Variants in NUMB observed in about 807,000 individuals in gnomAD.
NUMB encodes NUMB endocytic adaptor protein.
A neutral mutation model predicts 59.7 loss-of-function variants in NUMB; 29 were observed. The ratio of observed to expected loss-of-function variants is 0.49; its 90% CI spans 0.36 to 0.66. The LOEUF (loss-of-function observed/expected upper bound fraction) is 0.66, where lower values mean the gene tolerates loss of function less well. Ranked by LOEUF, NUMB falls within the 30% of genes least tolerant of loss-of-function variation. The pLI is 0.00. For synonymous variants in NUMB, 288 were observed against 288.2 expected, an observed-to-expected ratio of 1.00 and a Z score of 0.01; for missense variants, 723 against 822.0, an observed-to-expected ratio of 0.88 and a Z score of 1.47.
At chr14:73,292,514 G>C (rs995121026) in intron 8 of NUMB, among the ~76,000 whole-genome samples, 5 of 152,092 alleles carry the variant, frequency 3.3e-5, no homozygotes, top group Non-Finnish European at 5.9e-5. Flanking sequence ...TTCCTTTAAT[G>C]ATCTTTGGTT....
intron 2 of NUMB, among the ~76,000 whole-genome samples, chr14:73,392,564 TAGAC>T (rs1488704676): frequency 6.6e-6 from 1 of 152,232 alleles, no homozygotes; most frequent in East Asian, 1.9e-4. Context: ...CTCAGGAAAT[TAGAC>T]AGTTGTGCCT....
intron 3 of NUMB, among the ~76,000 whole-genome samples, chr14:73,365,087 T>C (rs1242465114): frequency 6.6e-6 from 1 of 152,242 alleles, no homozygotes; most frequent in African/African-American, 2.4e-5. Flanking sequence ...TCACCCAGGC[T>C]GGAGTGCAGT....
chr14:73,332,275 A>G (rs1484130587), intron 4 of NUMB, among the ~76,000 whole-genome samples: 1 of 149,976 alleles, frequency 6.7e-6, no homozygotes, highest in African/African-American at 2.5e-5. Context: ...CTTTTTTTTG[A>G]GACAGTCTCA....
chr14:73,406,512 G>T (rs564301461), intron 2 of NUMB, among the ~76,000 whole-genome samples: 1 of 152,068 alleles, frequency 6.6e-6, no homozygotes, highest in South Asian at 2.1e-4. Context: ...CATTTGGGTT[G>T]GTTCCAAGTC....
chr14:73,279,895 G>A lies in NUMB; in HGVS notation c.1097-471C>T, dbSNP rs191797967. Among the ~76,000 whole-genome samples, 433 of 152,288 alleles carry A rather than the reference G, an allele frequency of 2.8e-3. 2 individuals are homozygous for A. Among genetic ancestry groups the A allele is most frequent in the Non-Finnish European group, 4.5e-3 (303 of 68,022 alleles). ...AAATAGGCCAGGTGTGGTGGCTCAC[G>A]CCTGTAATCCCAGCACTTTGGGAGG... On this transcript the variant is annotated intron_variant, in intron 11 of 12. Transcript: ENST00000555238.
At chr14:73,427,288 A>G (rs1012186723) in intron 1 of NUMB, among the ~76,000 whole-genome samples, 5 of 152,006 alleles carry the variant, frequency 3.3e-5, no homozygotes, top group African/African-American at 4.8e-5. Context: ...CCTGGCCAAC[A>G]TGGTGAAATT....
chr14:73,446,630 A>G (rs983785110), intron 1 of NUMB, among the ~76,000 whole-genome samples: 1 of 151,698 alleles, frequency 6.6e-6, no homozygotes, highest in Admixed American at 6.6e-5. Context: ...AATCCTTAAC[A>G]TGACAAAATG....
At chr14:73,374,790 A>G (rs1894871100) in intron 2 of NUMB, among the ~76,000 whole-genome samples, 1 of 140,384 alleles carries the variant, frequency 7.1e-6, no homozygotes, top group African/African-American at 2.7e-5. Context: ...ACATGATCTC[A>G]GCTCACTGCA....
chr14:73,361,613 C>T (rs1894100089), intron 3 of NUMB, among the ~76,000 whole-genome samples: 1 of 152,132 alleles, frequency 6.6e-6, no homozygotes, highest in South Asian at 2.1e-4. Context: ...TCCCTCCTCC[C>T]ACCCTCCCCA....
chr14:73,307,866 G>GGGAC (rs548292104), intron 6 of NUMB, among the ~76,000 whole-genome samples: 2,171 of 151,488 alleles, frequency 0.014, 27 homozygotes, highest in Non-Finnish European at 0.022. Context: ...CCGAGTAGCT[G>GGGAC]GGACTATAGG....
intron 2 of NUMB, among the ~76,000 whole-genome samples, chr14:73,393,920 T>C (rs1410140856): frequency 1.3e-5 from 2 of 152,204 alleles, no homozygotes; most frequent in Non-Finnish European, 2.9e-5. Flanking sequence ...ACTGTTTAAA[T>C]TTAATTTTAA....
chr14:73,421,144 CAAGAGA>C (rs1279407932), intron 1 of NUMB, among the ~76,000 whole-genome samples: 1 of 151,920 alleles, frequency 6.6e-6, no homozygotes, highest in Non-Finnish European at 1.5e-5. Context: ...TAAAGTAATA[CAAGAGA>C]AAGAAAAGGA....
chr14:73,359,447 C>T (rs943237906), intron 3 of NUMB, among the ~76,000 whole-genome samples: 1 of 152,178 alleles, frequency 6.6e-6, no homozygotes, highest in Non-Finnish European at 1.5e-5. Flanking sequence ...AGACTGACTT[C>T]ATTAGAATAG....
chr14:73,390,666 T>C (rs1412088919), intron 2 of NUMB, among the ~76,000 whole-genome samples: 1 of 136,316 alleles, frequency 7.3e-6, no homozygotes, highest in Non-Finnish European at 1.5e-5. Flanking sequence ...TTTTTTTTTT[T>C]TTTGAGACAG....
intron 1 of NUMB, among the ~76,000 whole-genome samples, chr14:73,419,871 CTTAATT>C (rs1897286948): frequency 6.6e-6 from 1 of 152,094 alleles, no homozygotes; most frequent in South Asian, 2.1e-4. Context: ...CAAGCTGAAA[CTTAATT>C]TTTTTTGAGA....
At chr14:73,404,005 A>C (rs1372344365) in intron 2 of NUMB, among the ~76,000 whole-genome samples, 1 of 151,718 alleles carries the variant, frequency 6.6e-6, no homozygotes, top group African/African-American at 2.4e-5. Context: ...AGGCAGAAGA[A>C]TCACTTGAAC....
chr14:73,389,800 C>A (rs947645838), intron 2 of NUMB, among the ~76,000 whole-genome samples: 1 of 152,152 alleles, frequency 6.6e-6, no homozygotes, highest in Non-Finnish European at 1.5e-5. Flanking sequence ...TGTATACCTC[C>A]TGATTTCCAC....
Position 73,389,228 on chromosome 14 carries a change from G to A in NUMB, c.-101+20709C>T, listed in dbSNP as rs558809238. Among the ~76,000 whole-genome samples, 8 of 127,882 alleles carry A rather than the reference G, an allele frequency of 6.3e-5. No homozygotes were observed. The South Asian group carries it at 1.3e-3, about 21-fold the overall frequency. 83.9% of individuals were successfully genotyped at this position (127,882 alleles called of 152,430 possible). A position where few individuals can be genotyped will look rare whatever the true frequency, so the allele number is the denominator to read the frequency against. ...TGAGGTTGCAGTGAGCCAAGATTGC[G>A]CCACTGAACTCCAGCCTGGGTTACA... On this transcript the variant is annotated intron_variant, in intron 2 of 12. Coordinates refer to ENST00000555238, the MANE Select transcript of NUMB (RefSeq NM_001005743.2).
At chr14:73,385,087 T>A (rs1231770968) in intron 2 of NUMB, among the ~76,000 whole-genome samples, 1 of 151,848 alleles carries the variant, frequency 6.6e-6, no homozygotes, top group East Asian at 1.9e-4. Flanking sequence ...AAATGTTCAA[T>A]ATTTATGCTA....
Sources: allele counts gnomAD v4.1 joint callset (sites outside exome capture counted in the v4.1 genomes callset), GRCh38; gene constraint gnomAD v4.1.1; transcripts MANE v1.5; gene names NCBI Gene and HGNC (gene_info 2026-07-23, HGNC 2026-07-21).